POLR3C: variants seen among roughly 807,000 people sequenced by gnomAD.
POLR3C encodes the protein RNA polymerase III subunit C.
Under a neutral mutation model 65.9 loss-of-function variants are expected in POLR3C, and 44 were observed. The ratio of observed to expected loss-of-function variants is 0.67; its 90% CI spans 0.52 to 0.86. POLR3C has a LOEUF of 0.86. Among genes scored for constraint, POLR3C ranks in the 40% least tolerant of loss-of-function variants. POLR3C has a pLI of 0.00. For missense variants in POLR3C, 576 were observed against 653.2 expected (o/e 0.88, Z 1.29); for synonymous variants, 263 against 231.6 (o/e 1.14, Z -1.23).
chr1:145,833,249 C>A lies in POLR3C; in HGVS notation c.679-11C>A, dbSNP rs782675065. 2.4e-5 allele frequency: 37 copies of A among 1,540,340 alleles called. No individual in the cohort carries two copies. The highest frequency in any genetic ancestry group is 3.1e-5 in the Non-Finnish European group (35 of 1,119,720). ...ACTATAGCTAAATGTTTCTCTAAATCTTTTCCTCAGCCCATTCCAGATGAT... is the reference window on the plus strand; with the variant it reads ...ACTATAGCTAAATGTTTCTCTAAATATTTTCCTCAGCCCATTCCAGATGAT... On this transcript the variant is annotated splice_polypyrimidine_tract_variant and intron_variant, in intron 5 of 14. Coordinates refer to ENST00000334163, the MANE Select transcript of POLR3C (RefSeq NM_006468.8).
At position 145,844,286 on chromosome 1, in the gene POLR3C, G is replaced by A. The variant is rs1199148884; in HGVS notation, c.*1866G>A. Among the ~76,000 whole-genome samples the A allele has an allele frequency of 1.3e-5, 2 of 152,138 alleles. No homozygotes were observed. Among genetic ancestry groups the A allele is most frequent in the African/African-American group, 4.8e-5 (2 of 41,422 alleles). ...CCTAAGTGCCCATCAATAGATGAAA[G>A]GCTAAAGAAAATGTATTATTCAGCC... On this transcript the variant is annotated 3_prime_UTR_variant, in exon 15 of 15. Transcript: ENST00000334163.
intron 5 of POLR3C, among the ~76,000 whole-genome samples, chr1:145,829,218 A>G (rs1553726557): frequency 6.6e-6 from 1 of 152,178 alleles, no homozygotes; most frequent in Non-Finnish European, 1.5e-5. Flanking sequence ...AAGCATCTCA[A>G]ATTTAGTGTG....
chr1:145,824,569 G>T, intron 1 of POLR3C, 200 bp downstream of exon 1: 2 of 1,270,932 alleles, frequency 1.6e-6, no homozygotes, highest in Non-Finnish European at 2.1e-6. Context: ...TACTGAGGCG[G>T]GGTGGGGACG....
At position 145,838,006 on chromosome 1, in the gene POLR3C, T is replaced by C. The variant is rs150851540; in HGVS notation, c.1071-50T>C. The C allele has an allele frequency of 2.2e-5, 34 of 1,580,306 alleles. No homozygotes were observed. The African/African-American group carries it at 3.4e-4, about 16-fold the overall frequency. On this transcript the variant is annotated intron_variant, in intron 10 of 14. Coordinates refer to ENST00000334163, the MANE Select transcript of POLR3C (RefSeq NM_006468.8). ...AACCACCCCATCTATGACTGGGAAC[T>C]AAAGCTGATCTATGTTAGCATGCCA...
chr1:145,830,939 A>AC (rs1306460916), intron 5 of POLR3C, among the ~76,000 whole-genome samples: 1 of 151,642 alleles, frequency 6.6e-6, no homozygotes, highest in East Asian at 1.9e-4. Flanking sequence ...CCCCATCTGT[A>AC]CCAAAAAAAA....
At chr1:145,841,385 C>T (rs1553730539) in intron 14 of POLR3C, among the ~76,000 whole-genome samples, 1 of 152,176 alleles carries the variant, frequency 6.6e-6, no homozygotes, top group Non-Finnish European at 1.5e-5. Context: ...CTCAGCCTCC[C>T]AAGTAGCTGG....
chr1:145,842,553 C>T lies in POLR3C; in HGVS notation c.*133C>T, dbSNP rs879973858. The stretch of plus-strand genomic sequence containing the variant: ...AACCCCCCTCTCTATCCCCTGCAGC[C>T]CAGGATACACCTGAAAGAATTTGGC... On this transcript the variant is annotated 3_prime_UTR_variant, in exon 15 of 15. Transcript: ENST00000334163. The T allele has an allele frequency of 5.9e-5, 41 of 700,350 alleles. No homozygotes were observed. The highest frequency in any genetic ancestry group is 1.1e-4 in the African/African-American group (6 of 56,902). 43.4% of individuals were successfully genotyped at this position (700,350 alleles called of 1,614,324 possible).
At chr1:145,835,136 C>G (rs1651693976) in intron 7 of POLR3C, among the ~76,000 whole-genome samples, 1 of 143,006 alleles carries the variant, frequency 7.0e-6, no homozygotes, top group Admixed American at 7.0e-5. Context: ...CAGAGCAAAA[C>G]CCTATTTCAA....
At chr1:145,830,091 C>G (rs587605436) in intron 5 of POLR3C, among the ~76,000 whole-genome samples, 1 of 152,072 alleles carries the variant, frequency 6.6e-6, no homozygotes, top group African/African-American at 2.4e-5. Flanking sequence ...CTAACTTGTT[C>G]TACTCCATGG....
chr1:145,826,475 C>T lies in POLR3C; in HGVS notation c.169C>T (p.Leu57Phe). Residue 57 changes from leucine (L) to phenylalanine (F), a missense_variant, in exon 3 of 15, where the codon CTC becomes TTC. Transcript: ENST00000334163. ...TTAGGTGAAGAAAGCCCTGTGTGTCCTCGTCCAACATAACCTGGTGAGTTA... is the reference window on the plus strand; with the variant it reads ...TTAGGTGAAGAAAGCCCTGTGTGTCTTCGTCCAACATAACCTGGTGAGTTA... ...LDQVKKALCVLVQHNLVSYQV... is the reference protein window; with the variant it reads ...LDQVKKALCVFVQHNLVSYQV... 1 of 1,613,604 alleles carries T rather than the reference C, an allele frequency of 6.2e-7. No homozygotes were observed.
Position 145,841,274 on chromosome 1 carries a change from C to T in POLR3C, c.1523+203C>T, listed in dbSNP as rs188123479. On this transcript the variant is annotated intron_variant, in intron 14 of 14. Coordinates refer to ENST00000334163, the MANE Select transcript of POLR3C (RefSeq NM_006468.8). ...CTTCTTCTCCATCACCATATACACT[C>T]TCTTGTTCATCAAGTACTGATAAAT... Among the ~76,000 whole-genome samples, 5 of 152,334 alleles carry T rather than the reference C, an allele frequency of 3.3e-5. No homozygotes were observed. In the South Asian group the frequency reaches 8.3e-4, roughly 25 times the overall value.
At position 145,842,450 on chromosome 1, in the gene POLR3C, T is replaced by TG; in HGVS notation, c.*36dup. 6.9e-7 allele frequency: 1 copy of TG among 1,443,732 alleles called. No homozygotes were observed. Among genetic ancestry groups the TG allele is most frequent in the Non-Finnish European group, 9.7e-7 (1 of 1,025,880 alleles). The allele number at this position is 1,443,732 out of a possible 1,614,324, so 89.4% of individuals were successfully genotyped here. Reference sequence around the variant, plus strand: ...GAAGAAGCATCTTCCTCAGAAGATCTGGGGGGATGGAAAGCAAAATAAAGG... The same window carrying TG: ...GAAGAAGCATCTTCCTCAGAAGATCTGGGGGGGATGGAAAGCAAAATAAAGG... On this transcript the variant is annotated 3_prime_UTR_variant, in exon 15 of 15. Coordinates refer to ENST00000334163, the MANE Select transcript of POLR3C (RefSeq NM_006468.8).
chr1:145,827,800 C>G (rs911241280), intron 4 of POLR3C, among the ~76,000 whole-genome samples: 1 of 150,338 alleles, frequency 6.7e-6, no homozygotes, highest in Non-Finnish European at 1.5e-5. Flanking sequence ...TGGTGGCATA[C>G]GCCTGTAATC....
At chr1:145,829,401 T>G (rs1651101012) in intron 5 of POLR3C, among the ~76,000 whole-genome samples, 1 of 152,164 alleles carries the variant, frequency 6.6e-6, no homozygotes, top group South Asian at 2.1e-4. Context: ...CAGCCCAGTT[T>G]CCAAAATTAC....
Position 145,841,016 on chromosome 1 carries a change from A to T in POLR3C, c.1468A>T (p.Met490Leu), listed in dbSNP as rs371231143. Residue 490 changes from methionine (M) to leucine (L), a missense_variant, in exon 14 of 15, where the codon ATG (methionine) becomes TTG (leucine). By Grantham distance (15) the Met-to-Leu change is conservative (BLOSUM62 2). Coordinates refer to ENST00000334163, the MANE Select transcript of POLR3C (RefSeq NM_006468.8). Reference protein sequence around the residue: ...EEAQLQEIEEMITAPERQQLE... With the variant: ...EEAQLQEIEELITAPERQQLE... ...AGCACAGTTACAAGAAATAGAGGAG[A>T]TGATCACAGCTCCTGAACGTCAGCA... is the stretch of plus-strand genomic sequence containing the variant. 1 of 1,611,798 alleles carries T rather than the reference A, an allele frequency of 6.2e-7. No individual in the cohort carries two copies. The highest frequency in any genetic ancestry group is 8.5e-7 in the Non-Finnish European group (1 of 1,177,996).
At position 145,825,820 on chromosome 1, in the gene POLR3C, A is replaced by G; in HGVS notation, c.44A>G (p.Glu15Gly). The change falls in exon 2 of 15, where the codon GAG becomes GGG. Residue 15 changes from glutamate (E) to glycine (G), a missense_variant. Coordinates refer to ENST00000334163, the MANE Select transcript of POLR3C (RefSeq NM_006468.8). Reference protein sequence around the residue: ...EIKLCSLLLQEHFGEIVEKIG... With the variant: ...EIKLCSLLLQGHFGEIVEKIG... ...AAGCTCTGTTCTTTGTTGCTGCAAG[A>G]GCATTTTGGAGAGATTGTAGAAAAA... 6.2e-7 allele frequency: 1 copy of G among 1,613,094 alleles called. No individual in the cohort carries two copies. The highest frequency in any genetic ancestry group is 8.5e-7 in the Non-Finnish European group (1 of 1,179,068).
chr1:145,837,481 G>C (rs1651942221), intron 9 of POLR3C, 55 bp from the exon 10 acceptor site: 1 of 871,058 alleles, frequency 1.1e-6, no homozygotes, highest in Non-Finnish European at 1.8e-6. Context: ...ATAAAACTCA[G>C]ATCACAATAA....
At position 145,842,198 on chromosome 1, in the gene POLR3C, A is replaced by ATCTACTGGT. The variant is rs1652344969; in HGVS notation, c.1524-137_1524-129dup. The ATCTACTGGT allele has an allele frequency of 9.9e-6, 6 of 607,448 alleles. No individual in the cohort carries two copies. The South Asian group carries it at 1.2e-4, about 12-fold the overall frequency. The allele number at this position is 607,448 out of a possible 1,614,324, so 37.6% of individuals were successfully genotyped here. On this transcript the variant is annotated intron_variant, in intron 14 of 14. Coordinates refer to ENST00000334163, the MANE Select transcript of POLR3C (RefSeq NM_006468.8). ...AAGATGCTCGGTAAATAGCAAAATG[A>ATCTACTGGT]TCTACTGGTTCTCCTGCTTTCTTTC...
chr1:145,841,183 C>T (rs1384735556), intron 14 of POLR3C, 112 bp downstream of exon 14: 9 of 818,324 alleles, frequency 1.1e-5, no homozygotes, highest in South Asian at 8.5e-5. Flanking sequence ...ACTGTCTCCT[C>T]CAGCTCACTT....
Sources: gnomAD v4.1 joint callset for allele counts (sites outside exome capture counted in the v4.1 genomes callset) on GRCh38, gnomAD v4.1.1 for gene constraint, MANE v1.5 for transcripts, NCBI Gene and HGNC (gene_info 2026-07-23, HGNC 2026-07-21) for gene names.